Variants in MAML1 observed in about 807,000 individuals in gnomAD.
MAML1 encodes the protein mastermind-like protein 1.
MAML1 carries 14 observed loss-of-function variants against 77.1 expected under a neutral mutation model. The ratio of observed to expected loss-of-function variants is 0.18; its 90% CI spans 0.12 to 0.28. MAML1 has a LOEUF of 0.28. Among genes scored for constraint, MAML1 ranks in the 10% least tolerant of loss-of-function variants. MAML1 has a pLI of 1.00. For synonymous variants in MAML1, 516 were observed against 551.9 expected (o/e 0.93, Z 0.91); for missense variants, 1,217 against 1,327.8 (o/e 0.92, Z 1.30).
intron 1 of MAML1, among the ~76,000 whole-genome samples, chr5:179,745,413 A>T (rs920876191): frequency 6.6e-6 from 1 of 151,908 alleles, no homozygotes; most frequent in African/African-American, 2.4e-5. Context: ...ACATAAATAA[A>T]CTATAAAGGA....
chr5:179,777,003 T>G lies in MAML1; in HGVS notation c.*2126T>G. 1 of 985,130 alleles carries G rather than the reference T, an allele frequency of 1.0e-6. No homozygotes were observed. The highest frequency in any genetic ancestry group is 1.2e-6 in the Non-Finnish European group (1 of 829,236). 61.0% of individuals were successfully genotyped at this position (985,130 alleles called of 1,614,324 possible). The stretch of plus-strand genomic sequence containing the variant: ...TTGTGTAAATAAATGTTTACAATTT[T>G]ATATGAAAGATGGAATAAGCGCTAG... On this transcript the variant is annotated 3_prime_UTR_variant, in exon 5 of 5. Transcript: ENST00000292599.
intron 1 of MAML1, among the ~76,000 whole-genome samples, chr5:179,753,654 A>ATTTTTT (rs1209995171): frequency 6.5e-4 from 58 of 88,838 alleles, no homozygotes; most frequent in South Asian, 1.0e-3. Flanking sequence ...TATTATTATT[A>ATTTTTT]TTTTTTTTTT....
chr5:179,775,149 T>G lies in MAML1; in HGVS notation c.*272T>G. 1 of 1,162,374 alleles carries G rather than the reference T, an allele frequency of 8.6e-7. No individual in the cohort carries two copies. Among genetic ancestry groups the G allele is most frequent in the African/African-American group, 1.6e-5 (1 of 63,070 alleles). 72.0% of individuals were successfully genotyped at this position (1,162,374 alleles called of 1,614,324 possible). ...ATAGGGTTCTAAAGGTGGTTTTCTA[T>G]CCAAACGACCAAAAAACCAACAGTA... is the stretch of plus-strand genomic sequence containing the variant. On this transcript the variant is annotated 3_prime_UTR_variant, in exon 5 of 5. Transcript: ENST00000292599.
rs1462556287 is a variant in MAML1, at chr5:179,733,125, A to C, written c.13A>C (p.Thr5Pro). 7.0e-7 allele frequency: 1 copy of C among 1,436,850 alleles called. No individual in the cohort carries two copies. Among genetic ancestry groups the C allele is most frequent in the Non-Finnish European group, 9.1e-7 (1 of 1,097,532 alleles). The allele number at this position is 1,436,850 out of a possible 1,614,324, so 89.0% of individuals were successfully genotyped here. Residue 5 changes from threonine (T) to proline (P), a missense_variant, in exon 1 of 5, where the codon ACC becomes CCC. By Grantham distance (38) the Thr-to-Pro change is conservative (BLOSUM62 -1). Transcript: ENST00000292599. The stretch of plus-strand genomic sequence containing the variant: ...CAGCCCGCGGCCCATGGTGCTGCCC[A>C]CCTGCCCCATGGCGGAGTTCGCGCT... Reference protein sequence around the residue: MVLPTCPMAEFALPR... With the variant: MVLPPCPMAEFALPR...
chr5:179,775,689 C>G lies in MAML1; in HGVS notation c.*812C>G. ...AGGTAGAGATGTGGGGGTCCTGTAT[C>G]CTGGAGTATTATGTCTCCCCACCTT... On this transcript the variant is annotated 3_prime_UTR_variant, in exon 5 of 5. Coordinates refer to ENST00000292599, the MANE Select transcript of MAML1 (RefSeq NM_014757.5). 1 of 985,428 alleles carries G rather than the reference C, an allele frequency of 1.0e-6. No homozygotes were observed. The highest frequency in any genetic ancestry group is 1.2e-6 in the Non-Finnish European group (1 of 829,958). 61.0% of individuals were successfully genotyped at this position (985,428 alleles called of 1,614,324 possible). A position where few individuals can be genotyped will look rare whatever the true frequency, so the allele number is the denominator to read the frequency against.
chr5:179,734,480 A>T (rs1250914546), intron 1 of MAML1, among the ~76,000 whole-genome samples: 1 of 152,160 alleles, frequency 6.6e-6, no homozygotes, highest in Non-Finnish European at 1.5e-5. Flanking sequence ...GCTCTGGTTG[A>T]ATTATTTTTC....
chr5:179,748,625 A>G (rs547444438), intron 1 of MAML1, among the ~76,000 whole-genome samples: 4 of 152,388 alleles, frequency 2.6e-5, no homozygotes, highest in South Asian at 4.1e-4. Flanking sequence ...GAAGTGACCT[A>G]TAAAATAGTT....
At chr5:179,745,194 C>T (rs943780587) in intron 1 of MAML1, among the ~76,000 whole-genome samples, 23 of 151,908 alleles carry the variant, frequency 1.5e-4, no homozygotes, top group African/African-American at 2.4e-4. Context: ...CGTGAGCCAC[C>T]GTGCCCGGCC....
intron 1 of MAML1, among the ~76,000 whole-genome samples, chr5:179,735,692 A>T (rs1779153414): frequency 7.2e-6 from 1 of 139,414 alleles, no homozygotes; most frequent in Non-Finnish European, 1.5e-5. Context: ...CACCTAGCCT[A>T]TTTATTTTTT....
chr5:179,756,104 T>C (rs770432403), intron 1 of MAML1, among the ~76,000 whole-genome samples: 1 of 151,220 alleles, frequency 6.6e-6, no homozygotes, highest in Non-Finnish European at 1.5e-5. Context: ...GCCAAAAGAT[T>C]GGACACCCCG....
intron 1 of MAML1, among the ~76,000 whole-genome samples, chr5:179,734,396 G>A (rs1046311966): frequency 3.3e-5 from 5 of 152,120 alleles, no homozygotes; most frequent in Admixed American, 6.5e-5. Context: ...AAAGGATGAA[G>A]TTCAAAGTCT....
rs569711511 is a variant in MAML1 at position 179,772,893 on chromosome 5, C to CTTTG, written c.2069-989_2069-986dup. On this transcript the variant is annotated intron_variant, in intron 4 of 4. Coordinates refer to ENST00000292599, the MANE Select transcript of MAML1 (RefSeq NM_014757.5). ...CACTCTTGGGCTTTACAACCCTGTT[C>CTTTG]TTTGTTTGTTTGTTTGAGACAGAGT... Among the ~76,000 whole-genome samples the CTTTG allele has an allele frequency of 9.9e-5, 15 of 152,208 alleles. No homozygotes were observed. In the East Asian group the frequency reaches 2.9e-3, roughly 29 times the overall value.
chr5:179,755,268 C>G (rs576379532), intron 1 of MAML1, among the ~76,000 whole-genome samples: 1 of 152,124 alleles, frequency 6.6e-6, no homozygotes, highest in African/African-American at 2.4e-5. Flanking sequence ...GCAGAGAGAG[C>G]GAGCCTGGGA....
chr5:179,773,845 G>A (rs773299560), intron 4 of MAML1, 50 bp from the exon 5 acceptor site: 2 of 1,560,058 alleles, frequency 1.3e-6, no homozygotes, highest in East Asian at 2.3e-5. Flanking sequence ...GTCTCAGAGG[G>A]ACCCAGTGGT....
intron 1 of MAML1, among the ~76,000 whole-genome samples, chr5:179,734,025 ATTG>A (rs1779118889): frequency 1.3e-5 from 2 of 152,194 alleles, no homozygotes; most frequent in South Asian, 4.1e-4. Flanking sequence ...TTCCTGCAAT[ATTG>A]TTGACAATTC....
At chr5:179,736,879 G>A (rs149079219) in intron 1 of MAML1, among the ~76,000 whole-genome samples, 34 of 151,658 alleles carry the variant, frequency 2.2e-4, no homozygotes, top group African/African-American at 7.7e-4. Flanking sequence ...GAGAATCGCT[G>A]GAACCTGGGA....
chr5:179,754,303 A>G (rs1190299903), intron 1 of MAML1, among the ~76,000 whole-genome samples: 1 of 152,052 alleles, frequency 6.6e-6, no homozygotes, highest in African/African-American at 2.4e-5. Context: ...ATAAATGAAT[A>G]TGAAATTGAA....
Position 179,774,822 on chromosome 5 carries a change from A to G in MAML1, c.2996A>G (p.Asn999Ser), listed in dbSNP as rs1446541495. 1.2e-6 allele frequency: 2 copies of G among 1,613,930 alleles called. No individual in the cohort carries two copies. Among genetic ancestry groups the G allele is most frequent in the Non-Finnish European group, 1.7e-6 (2 of 1,179,952 alleles). ...GATCTGATCGACTCCCTGCTGAAGA[A>G]CAGGACTTCAGAGGAGTGGATGAGT... ...HTDLIDSLLKNRTSEEWMSDL... is the reference protein window; with the variant it reads ...HTDLIDSLLKSRTSEEWMSDL... The change falls in exon 5 of 5, where the codon AAC becomes AGC. Residue 999 changes from asparagine to serine, a missense_variant. Asn to Ser is a conservative substitution (Grantham distance 46). Around this residue, in one of 3 missense-constraint regions of MAML1, gnomAD observed 884 missense variants for 949.3 expected, o/e 0.93. Transcript: ENST00000292599.
Position 179,766,656 on chromosome 5 carries a change from A to G in MAML1, c.1646A>G (p.His549Arg), listed in dbSNP as rs1406581630. The G allele has an allele frequency of 6.2e-7, 1 of 1,610,168 alleles. No homozygotes were observed. The highest frequency in any genetic ancestry group is 8.5e-7 in the Non-Finnish European group (1 of 1,177,884). Residue 549 changes from histidine (H) to arginine (R), a missense_variant, in exon 2 of 5, where the codon CAT becomes CGT. His to Arg is a conservative substitution (Grantham distance 29). Around this residue, in one of 3 missense-constraint regions of MAML1, gnomAD observed 884 missense variants for 949.3 expected, o/e 0.93. Coordinates refer to ENST00000292599, the MANE Select transcript of MAML1 (RefSeq NM_014757.5). The surrounding 1 kb of genome is among the most constrained non-coding windows in gnomAD (Gnocchi z 4.0). ...LMAYLPQQLS[H>R]ISHEQNSLFL... ...GCTTATCTTCCCCAGCAGCTGTCCC[A>G]TATAAGTCACGAGCAGAACTCCCTG...
Sources: gnomAD v4.1 joint callset for allele counts (sites outside exome capture counted in the v4.1 genomes callset) on GRCh38, gnomAD v4.1.1 for gene constraint, gnomAD v4.1.1 regional missense constraint, Gnocchi (gnomAD v3.1) non-coding constraint, MANE v1.5 for transcripts, NCBI Gene and HGNC (gene_info 2026-07-23, HGNC 2026-07-21) for gene names.